Variants in ANKMY1 observed in about 807,000 individuals in gnomAD.
The protein encoded by ANKMY1 is ankyrin repeat and MYND domain containing 1.
In ANKMY1, 98 loss-of-function variants were observed where a neutral mutation model predicts 102.0. That is an observed-to-expected ratio of 0.96 (90% CI 0.82 to 1.14). The LOEUF is 1.14. ANKMY1 is among the 50% of genes most tolerant of loss of function. The pLI is 0.00. For synonymous variants in ANKMY1, 582 were observed against 559.9 expected (o/e 1.04, Z -0.56); for missense variants, 1,330 against 1,347.6 (o/e 0.99, Z 0.20).
intron 4 of ANKMY1, among the ~76,000 whole-genome samples, chr2:240,546,430 G>A (rs2090385056): frequency 6.6e-6 from 1 of 152,160 alleles, no homozygotes; most frequent in African/African-American, 2.4e-5. Flanking sequence ...AGACCATTGA[G>A]ACTAGGAAGA....
At chr2:240,489,931 A>G (rs1023528197) in intron 15 of ANKMY1, among the ~76,000 whole-genome samples, 1 of 152,296 alleles carries the variant, frequency 6.6e-6, no homozygotes. Flanking sequence ...TGCTGATTCA[A>G]TCTTGCTACT....
In ANKMY1 at chr2:240,520,523, G is replaced by A; in HGVS notation, c.1843C>T (p.Arg615Cys). Residue 615 changes from arginine to cysteine, a missense_variant, in exon 9 of 18, where the codon CGC becomes TGC. Arg to Cys is a radical substitution (Grantham distance 180). Transcript: ENST00000401804. This position sits in a 1 kb window ranked among gnomAD's most constrained non-coding sequence, Gnocchi z 4.8. ...MALSMIERRKRWRTIKLLLRR... is the reference protein window; with the variant it reads ...MALSMIERRKCWRTIKLLLRR... The stretch of plus-strand genomic sequence containing the variant: ...AGCAGCAGCTTGATGGTCCGCCAGC[G>A]CTTCCTCCGCCTGAAAAAGACGGTG... The A allele has an allele frequency of 6.2e-7, 1 of 1,611,686 alleles. No individual in the cohort carries two copies.
chr2:240,501,555 C>A (rs1344597416), intron 13 of ANKMY1, among the ~76,000 whole-genome samples: 1 of 152,190 alleles, frequency 6.6e-6, no homozygotes, highest in Admixed American at 6.5e-5. Flanking sequence ...GTGTGCCTTG[C>A]TAGCCAAGTG....
At chr2:240,536,561 T>C (rs1294631649) in intron 4 of ANKMY1, among the ~76,000 whole-genome samples, 1 of 152,126 alleles carries the variant, frequency 6.6e-6, no homozygotes, top group Non-Finnish European at 1.5e-5. Context: ...CAGGTGGTAA[T>C]AAGAATTCAG....
At chr2:240,517,920 G>T (rs938202823) in intron 9 of ANKMY1, among the ~76,000 whole-genome samples, 1 of 152,134 alleles carries the variant, frequency 6.6e-6, no homozygotes, top group East Asian at 1.9e-4. Context: ...TGGAAGTGGG[G>T]GATTGGAAAG....
downstream of ANKMY1, among the ~76,000 whole-genome samples, chr2:240,474,456 G>A (rs1485199653): frequency 6.6e-6 from 1 of 151,916 alleles, no homozygotes; most frequent in Non-Finnish European, 1.5e-5. Flanking sequence ...ACATGTGCAA[G>A]TTTCTTATAT....
intron 2 of ANKMY1, 163 bp from the exon 3 acceptor site, chr2:240,555,218 C>T (rs1161929414): frequency 4.2e-6 from 3 of 720,052 alleles, no homozygotes; most frequent in East Asian, 5.4e-5. Context: ...AACCGAGGCA[C>T]AGAGGGTGCA....
Position 240,512,013 on chromosome 2 carries a change from G to A in ANKMY1, c.2146-12C>T, listed in dbSNP as rs1445267665. 3.1e-5 allele frequency: 47 copies of A among 1,526,746 alleles called. 1 individual carries two copies. Among genetic ancestry groups the A allele is most frequent in the South Asian group, 1.1e-4 (9 of 80,856 alleles). 94.6% of individuals were successfully genotyped at this position (1,526,746 alleles called of 1,614,324 possible). Reference sequence around the variant, plus strand: ...GGCAGCAGGTCCAGCTGTGTAAAACGGAGGGCTCCGCCAGCGCCCACGGAC... The same window carrying A: ...GGCAGCAGGTCCAGCTGTGTAAAACAGAGGGCTCCGCCAGCGCCCACGGAC... On this transcript the variant is annotated splice_polypyrimidine_tract_variant and intron_variant, in intron 10 of 17. Coordinates refer to ENST00000401804, the MANE Select transcript of ANKMY1 (RefSeq NM_001282771.3).
chr2:240,515,268 A>T (rs567152960), intron 9 of ANKMY1, among the ~76,000 whole-genome samples: 1 of 152,212 alleles, frequency 6.6e-6, no homozygotes, highest in Admixed American at 6.5e-5. Flanking sequence ...TGGACGCGGT[A>T]TCTCACACCT....
At chr2:240,473,861 T>C in the ANKMY1 span, among the ~76,000 whole-genome samples, 1 of 152,166 alleles carries the variant, frequency 6.6e-6, no homozygotes, top group Non-Finnish European at 1.5e-5. Context: ...AGAAGGAATA[T>C]ACCTCAACAT....
At chr2:240,490,748 G>A (rs899196484) in intron 15 of ANKMY1, among the ~76,000 whole-genome samples, 9 of 152,098 alleles carry the variant, frequency 5.9e-5, no homozygotes, top group Admixed American at 2.0e-4. Context: ...GTGGTCTAAC[G>A]TATGGTCTAT....
intron 6 of ANKMY1, 25 bp from the exon 7 acceptor site, chr2:240,525,874 AG>A: frequency 1.2e-6 from 2 of 1,610,240 alleles, no homozygotes; most frequent in Non-Finnish European, 1.7e-6. Flanking sequence ...GGCAGGACTC[AG>A]GATGATGCAC....
intron 9 of ANKMY1, among the ~76,000 whole-genome samples, chr2:240,514,214 T>C (rs1462989751): frequency 1.3e-5 from 2 of 152,134 alleles, no homozygotes; most frequent in Non-Finnish European, 2.9e-5. Context: ...CACAAAGACA[T>C]ATAAAGCACT....
At chr2:240,541,002 G>A (rs1483634238) in intron 4 of ANKMY1, among the ~76,000 whole-genome samples, 1 of 152,170 alleles carries the variant, frequency 6.6e-6, no homozygotes, top group Non-Finnish European at 1.5e-5. Context: ...TCCTTTGTGG[G>A]CCCAAACAGC....
intron 4 of ANKMY1, among the ~76,000 whole-genome samples, chr2:240,541,035 G>C (rs888083017): frequency 3.3e-5 from 5 of 152,104 alleles, no homozygotes; most frequent in African/African-American, 1.2e-4. Context: ...TCTCAATTTG[G>C]GAAATTTTTA....
In ANKMY1 at chr2:240,549,459, G is replaced by A. The variant is rs200738336; in HGVS notation, c.480+3455C>T. ...CATTCAGGACATAGGCATGGGCAAC[G>A]ACTTCATGTCTAAAACACCAAAAGC... On this transcript the variant is annotated intron_variant, in intron 4 of 17. Coordinates refer to ENST00000401804, the MANE Select transcript of ANKMY1 (RefSeq NM_001282771.3). Among the ~76,000 whole-genome samples the A allele has an allele frequency of 6.2e-4, 94 of 152,334 alleles. 1 individual carries two copies. In the East Asian group the frequency reaches 9.8e-3, roughly 16 times the overall value.
intron 16 of ANKMY1, 136 bp downstream of exon 16, chr2:240,482,045 CCT>C (rs2075452951): frequency 1.1e-6 from 1 of 913,460 alleles, no homozygotes; most frequent in African/African-American, 1.7e-5. Flanking sequence ...AGCAGGACTT[CCT>C]AGAGGAGGCC....
intron 4 of ANKMY1, among the ~76,000 whole-genome samples, chr2:240,533,954 AAAT>A (rs1168439346): frequency 2.0e-5 from 3 of 152,288 alleles, no homozygotes; most frequent in African/African-American, 7.2e-5. Flanking sequence ...CATACTCCAA[AAAT>A]AATAAATGGA....
Position 240,557,795 on chromosome 2 carries a change from C to G in ANKMY1, c.-18+86G>C, listed in dbSNP as rs539713202. On this transcript the variant is annotated intron_variant, in intron 1 of 17. Transcript: ENST00000401804. ...CCCTCCCTGGGGTGGGGACCGCGAG[C>G]CTGGCGCCCCCCCGCACCCGCCGCC... 9 of 879,664 alleles carry G rather than the reference C, an allele frequency of 1.0e-5. No homozygotes were observed. The African/African-American group carries it at 1.6e-4, about 16-fold the overall frequency. The allele number at this position is 879,664 out of a possible 1,614,324, so 54.5% of individuals were successfully genotyped here.
Sources: gnomAD v4.1 joint callset for allele counts (sites outside exome capture counted in the v4.1 genomes callset) on GRCh38, gnomAD v4.1.1 for gene constraint, Gnocchi (gnomAD v3.1) non-coding constraint, MANE v1.5 for transcripts, NCBI Gene and HGNC (gene_info 2026-07-23, HGNC 2026-07-21) for gene names.